NPM2: variants seen among roughly 807,000 people sequenced by gnomAD.
The protein encoded by NPM2 is nucleoplasmin-2.
In NPM2, 25 loss-of-function variants were observed where a neutral mutation model predicts 32.0. The observed-to-expected ratio is 0.78, with a 90% CI of 0.57 to 1.09. The LOEUF (loss-of-function observed/expected upper bound fraction) is 1.09, where lower values mean the gene tolerates loss of function less well. Ranked by LOEUF, NPM2 falls within the 50% of genes least tolerant of loss-of-function variation. NPM2 has a pLI of 0.00. For synonymous variants in NPM2, 111 were observed against 94.2 expected, an observed-to-expected ratio of 1.18 and a Z score of -1.04; for missense variants, 282 against 259.9, an observed-to-expected ratio of 1.08 and a Z score of -0.58.
rs752056694 is a variant in NPM2, at chr8:22,033,160, C to T, written c.301C>T (p.Pro101Ser). Residue 101 changes from proline (P) to serine (S), a missense_variant, in exon 6 of 10, where the codon CCA (proline) becomes TCA (serine). Physicochemically the swap from Pro to Ser is moderately conservative, Grantham distance 74. Coordinates refer to ENST00000518119, the MANE Select transcript of NPM2 (RefSeq NM_001286680.2). ...VSMVGVQLSPPVTFQLRAGSG... is the reference protein window; with the variant it reads ...VSMVGVQLSPSVTFQLRAGSG... ...CATGGTAGGAGTGCAGCTTTCTCCCCCAGTTACTTTCCAGCTCCGGGCTGG... is the reference window on the plus strand; with the variant it reads ...CATGGTAGGAGTGCAGCTTTCTCCCTCAGTTACTTTCCAGCTCCGGGCTGG... The T allele has an allele frequency of 1.4e-5, 22 of 1,614,012 alleles. No individual in the cohort carries two copies. In the Admixed American group the frequency reaches 3.7e-4, roughly 27 times the overall value.
chr8:22,026,026 C>T (rs1466983044), intron 5 of NPM2, among the ~76,000 whole-genome samples: 1 of 152,154 alleles, frequency 6.6e-6, no homozygotes, highest in African/African-American at 2.4e-5. Context: ...AGGACCAGAA[C>T]TCGTCCTGTT....
rs1214936997 is a variant in NPM2 at position 22,036,747 on chromosome 8, G to A, written c.*65G>A. The A allele has an allele frequency of 4.1e-6, 6 of 1,475,086 alleles. No homozygotes were observed. In the East Asian group the frequency reaches 1.0e-4, roughly 24 times the overall value. The allele number at this position is 1,475,086 out of a possible 1,614,324, so 91.4% of individuals were successfully genotyped here. A position where few individuals can be genotyped will look rare whatever the true frequency, so the allele number is the denominator to read the frequency against. ...CCCTGGGCTGTGCTGCAGGCACAGGGTGCCCCTGTCCAGCCCCTCCACCTG... is the reference window on the plus strand; with the variant it reads ...CCCTGGGCTGTGCTGCAGGCACAGGATGCCCCTGTCCAGCCCCTCCACCTG... On this transcript the variant is annotated 3_prime_UTR_variant, in exon 10 of 10. Coordinates refer to ENST00000518119, the MANE Select transcript of NPM2 (RefSeq NM_001286680.2).
At chr8:22,034,390 C>A in intron 7 of NPM2, 115 bp downstream of exon 7, 5 of 1,367,300 alleles carry the variant, frequency 3.7e-6, no homozygotes, top group Admixed American at 3.9e-5. Context: ...ACAGGATGGG[C>A]CAAGGCCACC....
intron 8 of NPM2, among the ~76,000 whole-genome samples, chr8:22,036,099 G>A (rs1358544850): frequency 6.6e-6 from 1 of 151,702 alleles, no homozygotes; most frequent in East Asian, 1.9e-4. Context: ...AAAGACATTT[G>A]TGGGCCAGGT....
In NPM2 at chr8:22,033,199, T is replaced by C. The variant is rs776677347; in HGVS notation, c.340T>C (p.Phe114Leu). ...GCTCCGGGCTGGCTCAGGACCCGTG[T>C]TCCTCAGTGGCCAGGAACGTTATGG... ...FQLRAGSGPV[F>L]LSGQERYEAS... The change falls in exon 6 of 10, where the codon TTC (phenylalanine) becomes CTC (leucine). Residue 114 changes from phenylalanine (F) to leucine (L), a missense_variant. Coordinates refer to ENST00000518119, the MANE Select transcript of NPM2 (RefSeq NM_001286680.2). The C allele has an allele frequency of 1.2e-6, 2 of 1,613,984 alleles. No individual in the cohort carries two copies. Among genetic ancestry groups the C allele is most frequent in the East Asian group, 2.2e-5 (1 of 44,878 alleles).
In NPM2 at chr8:22,034,524, A is replaced by T. The variant is rs1285400924; in HGVS notation, c.546A>T (p.Glu182Asp). 2 of 1,612,366 alleles carry T rather than the reference A, an allele frequency of 1.2e-6. No individual in the cohort carries two copies. Among genetic ancestry groups the T allele is most frequent in the African/African-American group, 1.3e-5 (1 of 74,864 alleles). The part of the protein sequence containing the change: ...QASVAKKKKL[E>D]KEEEEIRASV... ...TTGGTTCCCAGAAAAAAAAGCTGGA[A>T]AAAGAAGAAGAGGAAATAAGGTAAC... The change falls in exon 8 of 10, where the codon GAA (glutamate) becomes GAT (aspartate). Residue 182 changes from glutamate (E) to aspartate (D), a missense_variant. Physicochemically the swap from Glu to Asp is conservative, Grantham distance 45. Coordinates refer to ENST00000518119, the MANE Select transcript of NPM2 (RefSeq NM_001286680.2).
At chr8:22,026,980 C>T (rs2117448938) in intron 5 of NPM2, among the ~76,000 whole-genome samples, 1 of 152,192 alleles carries the variant, frequency 6.6e-6, no homozygotes, top group South Asian at 2.1e-4. Flanking sequence ...TAAATTTTAC[C>T]AAATGCTTTT....
At chr8:22,027,263 A>T (rs1227737915) in intron 5 of NPM2, among the ~76,000 whole-genome samples, 1 of 152,174 alleles carries the variant, frequency 6.6e-6, no homozygotes, top group African/African-American at 2.4e-5. Flanking sequence ...GAAGACTAGG[A>T]TCAGCTGTCC....
At chr8:22,035,992 A>C (rs1049354302) in intron 8 of NPM2, among the ~76,000 whole-genome samples, 2 of 152,010 alleles carry the variant, frequency 1.3e-5, no homozygotes, top group African/African-American at 4.8e-5. Context: ...AAAATACACC[A>C]AAATGTTTAG....
chr8:22,025,383 C>T (rs1213031434), intron 3 of NPM2, 53 bp from the exon 4 acceptor site: 2 of 1,605,754 alleles, frequency 1.2e-6, no homozygotes, highest in Non-Finnish European at 1.7e-6. Context: ...CAGGTGAGCC[C>T]CTCCTTTGGG....
intron 8 of NPM2, 103 bp from the exon 9 acceptor site, chr8:22,036,390 C>A: frequency 8.3e-7 from 1 of 1,200,892 alleles, no homozygotes; most frequent in Non-Finnish European, 1.2e-6. Context: ...AGCAGCCAGG[C>A]TTGCTTTCCA....
intron 5 of NPM2, among the ~76,000 whole-genome samples, chr8:22,027,230 C>T (rs1384683287): frequency 1.3e-5 from 2 of 152,136 alleles, no homozygotes; most frequent in East Asian, 3.8e-4. Flanking sequence ...AGGGTTCTCT[C>T]CTATTCCCTG....
At chr8:22,032,211 T>C (rs1800464475) in intron 5 of NPM2, among the ~76,000 whole-genome samples, 1 of 152,124 alleles carries the variant, frequency 6.6e-6, no homozygotes, top group African/African-American at 2.4e-5. Flanking sequence ...TTCGAGAAAA[T>C]TTGGGAAGTT....
intron 5 of NPM2, 118 bp from the exon 6 acceptor site, chr8:22,033,012 G>A (rs1800489720): frequency 1.4e-6 from 1 of 737,970 alleles, no homozygotes; most frequent in Non-Finnish European, 2.4e-6. Context: ...CCTCAGCAGG[G>A]GCTGAGTAGT....
At chr8:22,028,247 C>T (rs554639327) in intron 5 of NPM2, among the ~76,000 whole-genome samples, 2 of 152,126 alleles carry the variant, frequency 1.3e-5, no homozygotes, top group East Asian at 3.9e-4. Flanking sequence ...TGAGTAGTCT[C>T]CATGGAGACC....
At chr8:22,033,337 CA>C (rs1382893338) in intron 6 of NPM2, 114 bp downstream of exon 6, 2 of 854,816 alleles carry the variant, frequency 2.3e-6, no homozygotes, top group East Asian at 5.2e-5. Context: ...AGAAAATCCC[CA>C]AAGGCAACAT....
chr8:22,028,912 T>C (rs1209591203), intron 5 of NPM2, among the ~76,000 whole-genome samples: 1 of 152,228 alleles, frequency 6.6e-6, no homozygotes, highest in African/African-American at 2.4e-5. Context: ...GCATGTACTT[T>C]GTACCCCTAC....
rs140553658 is a variant in NPM2 at position 22,036,651 on chromosome 8, C to T, written c.614C>T (p.Ala205Val). The T allele has an allele frequency of 1.5e-5, 24 of 1,549,582 alleles. No homozygotes were observed. In the African/African-American group the frequency reaches 2.6e-4, roughly 17 times the overall value. ...KSPVKKAKAT[A>V]RAKKPGFKK ...TTCCCTCCACAGGCCAAAGCCACAG[C>T]CAGAGCCAAGAAGCCAGGATTCAAG... Residue 205 changes from alanine (A) to valine (V), a missense_variant, in exon 10 of 10, where the codon GCC (alanine) becomes GTC (valine). Transcript: ENST00000518119.
intron 9 of NPM2, 35 bp from the exon 10 acceptor site, chr8:22,036,603 G>A: frequency 6.4e-7 from 1 of 1,554,812 alleles, no homozygotes; most frequent in Non-Finnish European, 8.7e-7. Flanking sequence ...ATGGAGAAGG[G>A]AACGGGACCC....
Sources: allele counts gnomAD v4.1 joint callset (sites outside exome capture counted in the v4.1 genomes callset), GRCh38; gene constraint gnomAD v4.1.1; transcripts MANE v1.5; gene names NCBI Gene and HGNC (gene_info 2026-07-23, HGNC 2026-07-21).